Variants in MSH4 observed in about 807,000 individuals in gnomAD.
MSH4 encodes mutS protein homolog 4.
In MSH4, 106 loss-of-function variants were observed where a neutral mutation model predicts 113.7. That is an observed-to-expected ratio of 0.93 (90% CI 0.80 to 1.10). The LOEUF is 1.10. Among genes scored for constraint, MSH4 ranks in the 50% least tolerant of loss-of-function variants. The pLI, the probability that MSH4 is intolerant of heterozygous loss-of-function variation, is 0.00. For missense variants in MSH4, 1,061 were observed against 1,093.7 expected (o/e 0.97, Z 0.42); for synonymous variants, 368 against 380.2 (o/e 0.97, Z 0.37).
intron 9 of MSH4, among the ~76,000 whole-genome samples, chr1:75,868,539 A>G (rs2100562165): frequency 6.6e-6 from 1 of 152,348 alleles, no homozygotes; most frequent in East Asian, 1.9e-4. Context: ...AAAAATATGG[A>G]ATAACTTTGT....
chr1:75,816,346 A>G (rs768278883), intron 5 of MSH4, 27 bp from the exon 6 acceptor site: 2 of 1,504,426 alleles, frequency 1.3e-6, no homozygotes, highest in South Asian at 2.6e-5. Context: ...AAAGACTTAT[A>G]GTGATGTATT....
chr1:75,905,459 G>T (rs1652603933), intron 19 of MSH4, among the ~76,000 whole-genome samples: 1 of 151,902 alleles, frequency 6.6e-6, no homozygotes, highest in Non-Finnish European at 1.5e-5. Context: ...CTTGTTTTGT[G>T]GCCTAATGTA....
intron 15 of MSH4, among the ~76,000 whole-genome samples, chr1:75,886,325 A>G (rs1232441141): frequency 9.5e-5 from 4 of 41,900 alleles, no homozygotes; most frequent in Non-Finnish European, 8.6e-5. Flanking sequence ...TAGCATGTAT[A>G]GTATATATGA....
At chr1:75,890,952 T>C in intron 17 of MSH4, 128 bp downstream of exon 17, 1 of 835,820 alleles carries the variant, frequency 1.2e-6, no homozygotes, top group Non-Finnish European at 1.7e-6. Flanking sequence ...TATCATCGCA[T>C]TTATATTTTT....
chr1:75,862,171 C>G (rs754107675), intron 8 of MSH4, among the ~76,000 whole-genome samples: 2 of 152,114 alleles, frequency 1.3e-5, no homozygotes, highest in Non-Finnish European at 2.9e-5. Flanking sequence ...CAAGAGTGCT[C>G]CTCCAGGTAC....
At chr1:75,851,208 A>T (rs745406079) in intron 8 of MSH4, among the ~76,000 whole-genome samples, 1 of 95,318 alleles carries the variant, frequency 1.0e-5, no homozygotes, top group Non-Finnish European at 2.1e-5. Context: ...GTTTTTATTT[A>T]AATCTGCCAT....
At chr1:75,798,866 C>CT (rs1308361102) in intron 1 of MSH4, among the ~76,000 whole-genome samples, 2 of 152,108 alleles carry the variant, frequency 1.3e-5, no homozygotes. Flanking sequence ...CCCTCAAACT[C>CT]TTAAGTGTTC....
At chr1:75,873,046 C>A (rs957203896) in intron 9 of MSH4, among the ~76,000 whole-genome samples, 1 of 152,202 alleles carries the variant, frequency 6.6e-6, no homozygotes, top group Non-Finnish European at 1.5e-5. Context: ...TAAGTGTAAA[C>A]GTGCTGTGAT....
chr1:75,819,734 A>T lies in MSH4; in HGVS notation c.990-2675A>T, dbSNP rs554103832. Among the ~76,000 whole-genome samples, 5 of 152,282 alleles carry T rather than the reference A, an allele frequency of 3.3e-5. No homozygotes were observed. In the South Asian group the frequency reaches 8.3e-4, roughly 25 times the overall value. On this transcript the variant is annotated intron_variant, in intron 6 of 19. Transcript: ENST00000263187. Reference sequence around the variant, plus strand: ...TTCTTTGTTTTTGTTTGTTTTAGACAGAGTCTCACTTTGTAGCCCAGGCTG... The same window carrying T: ...TTCTTTGTTTTTGTTTGTTTTAGACTGAGTCTCACTTTGTAGCCCAGGCTG...
chr1:75,833,623 A>G (rs1044885502), intron 7 of MSH4, among the ~76,000 whole-genome samples: 6 of 152,208 alleles, frequency 3.9e-5, no homozygotes, highest in African/African-American at 1.4e-4. Context: ...CCTCAGAAAT[A>G]ATACCACACA....
intron 17 of MSH4, among the ~76,000 whole-genome samples, chr1:75,895,365 G>T (rs552762241): frequency 8.5e-5 from 13 of 152,264 alleles, no homozygotes; most frequent in Admixed American, 8.5e-4. Flanking sequence ...ACCCAGGCAG[G>T]ACTATGAATG....
chr1:75,898,880 G>T (rs1243249986), intron 18 of MSH4, among the ~76,000 whole-genome samples: 1 of 152,138 alleles, frequency 6.6e-6, no homozygotes, highest in Non-Finnish European at 1.5e-5. Context: ...TATATCAGAT[G>T]TTTAAAATTT....
chr1:75,907,354 T>C (rs1225713792), intron 19 of MSH4, among the ~76,000 whole-genome samples: 1 of 152,058 alleles, frequency 6.6e-6, no homozygotes, highest in Non-Finnish European at 1.5e-5. Context: ...TATATGGTTT[T>C]TGTTGAGAAG....
chr1:75,798,584 T>C (rs925466894), intron 1 of MSH4, among the ~76,000 whole-genome samples: 7 of 143,384 alleles, frequency 4.9e-5, no homozygotes, highest in Non-Finnish European at 7.5e-5. Flanking sequence ...TGAGACAGAG[T>C]CTTGCTCTGT....
chr1:75,814,922 C>T (rs1196251852), intron 4 of MSH4, 99 bp from the exon 5 acceptor site: 1 of 645,732 alleles, frequency 1.5e-6, no homozygotes, highest in Non-Finnish European at 2.8e-6. Context: ...AATTTTTATA[C>T]AATATTTAAG....
At chr1:75,838,682 T>C (rs570132960) in intron 7 of MSH4, among the ~76,000 whole-genome samples, 1 of 152,322 alleles carries the variant, frequency 6.6e-6, no homozygotes, top group Non-Finnish European at 1.5e-5. Flanking sequence ...TCTCTTCTAG[T>C]CTAAATGAAC....
chr1:75,822,560 C>A lies in MSH4; in HGVS notation c.1141C>A (p.Leu381Ile), dbSNP rs747469498. 3.9e-6 allele frequency: 6 copies of A among 1,526,942 alleles called. No individual in the cohort carries two copies. The East Asian group carries it at 1.2e-4, about 31-fold the overall frequency. The allele number at this position is 1,526,942 out of a possible 1,614,324, so 94.6% of individuals were successfully genotyped here. The change falls in exon 7 of 20, where the codon CTA becomes ATA. Residue 381 changes from leucine to isoleucine, a missense_variant. Coordinates refer to ENST00000263187, the MANE Select transcript of MSH4 (RefSeq NM_002440.4). ...CVQELLQDEE[L>I]FFGLQSVISR... ...TCAAGAACTACTTCAAGATGAGGAACTATTTTTTGGACTTCAATCAGGTAA... is the reference window on the plus strand; with the variant it reads ...TCAAGAACTACTTCAAGATGAGGAAATATTTTTTGGACTTCAATCAGGTAA...
At chr1:75,865,452 C>T (rs983370113) in intron 8 of MSH4, among the ~76,000 whole-genome samples, 3 of 152,020 alleles carry the variant, frequency 2.0e-5, no homozygotes, top group Non-Finnish European at 4.4e-5. Flanking sequence ...TTGTTTATTA[C>T]GTATAGTTCC....
chr1:75,841,372 A>AT (rs1341671791), intron 7 of MSH4, among the ~76,000 whole-genome samples: 1 of 151,808 alleles, frequency 6.6e-6, no homozygotes, highest in Non-Finnish European at 1.5e-5. Flanking sequence ...TAATTTTTAC[A>AT]TTTTTTGTAG....
Sources: gnomAD v4.1 joint callset for allele counts (sites outside exome capture counted in the v4.1 genomes callset) on GRCh38, gnomAD v4.1.1 for gene constraint, MANE v1.5 for transcripts, NCBI Gene and HGNC (gene_info 2026-07-23, HGNC 2026-07-21) for gene names.